Variants in PTPRG observed in about 807,000 individuals in gnomAD.
PTPRG encodes the protein receptor-type tyrosine-protein phosphatase gamma.
PTPRG carries 102 observed loss-of-function variants against 165.3 expected under a neutral mutation model. The ratio of observed to expected loss-of-function variants is 0.62; its 90% CI spans 0.53 to 0.73. The LOEUF (loss-of-function observed/expected upper bound fraction) is 0.73, where lower values mean the gene tolerates loss of function less well. Among genes scored for constraint, PTPRG ranks in the 30% least tolerant of loss-of-function variants. The probability of loss-of-function intolerance (pLI) is 0.00; values close to 1 mark genes in which losing one functional copy is unlikely to be tolerated. For missense variants in PTPRG, 1,866 were observed against 1,861.4 expected (o/e 1.00, Z -0.05); for synonymous variants, 675 against 669.5 (o/e 1.01, Z -0.13).
intron 2 of PTPRG, among the ~76,000 whole-genome samples, chr3:61,856,928 T>C (rs1341613598): frequency 1.3e-5 from 2 of 152,230 alleles, no homozygotes; most frequent in African/African-American, 2.4e-5. Context: ...ATATGATGTC[T>C]TGACTGCTGT....
At chr3:62,020,349 C>G (rs897827069) in intron 4 of PTPRG, among the ~76,000 whole-genome samples, 4 of 152,138 alleles carry the variant, frequency 2.6e-5, no homozygotes, top group African/African-American at 9.7e-5. Context: ...CAATGAGTCT[C>G]ATTTAATGTC....
In PTPRG at chr3:61,562,201, C is replaced by A; in HGVS notation, c.-87C>A. The A allele has an allele frequency of 7.8e-7, 1 of 1,289,308 alleles. No homozygotes were observed. The highest frequency in any genetic ancestry group is 1.5e-5 in the African/African-American group (1 of 68,278). 79.9% of individuals were successfully genotyped at this position (1,289,308 alleles called of 1,614,324 possible). A position where few individuals can be genotyped will look rare whatever the true frequency, so the allele number is the denominator to read the frequency against. On this transcript the variant is annotated 5_prime_UTR_variant, in exon 1 of 30. Transcript: ENST00000474889. ...GAGCGGGCGAGCCGGGGAAGCGCCC[C>A]GGCTTAGCGGAGGCTCGCACGGAGG...
intron 13 of PTPRG, among the ~76,000 whole-genome samples, chr3:62,221,715 C>T (rs554842021): frequency 1.3e-5 from 2 of 152,322 alleles, no homozygotes; most frequent in East Asian, 3.9e-4. Flanking sequence ...GCAGGCCTGG[C>T]ACCGGGGGGT....
At chr3:61,617,912 A>C (rs1448188590) in intron 1 of PTPRG, among the ~76,000 whole-genome samples, 1 of 152,240 alleles carries the variant, frequency 6.6e-6, no homozygotes, top group Non-Finnish European at 1.5e-5. Context: ...ATCTGCATTA[A>C]TGTCCTGTAG....
chr3:61,656,307 G>A (rs1702508522), intron 1 of PTPRG, among the ~76,000 whole-genome samples: 1 of 152,176 alleles, frequency 6.6e-6, no homozygotes, highest in Admixed American at 6.5e-5. Flanking sequence ...CTCATTTGAT[G>A]CAGAAGGTGA....
intron 3 of PTPRG, among the ~76,000 whole-genome samples, chr3:61,992,273 G>A (rs1451853247): frequency 1.3e-5 from 2 of 151,556 alleles, no homozygotes; most frequent in Non-Finnish European, 2.9e-5. Context: ...TCTCTTGAAA[G>A]AGTTTTAACT....
intron 26 of PTPRG, among the ~76,000 whole-genome samples, chr3:62,280,055 G>A (rs1702375334): frequency 6.6e-6 from 1 of 151,998 alleles, no homozygotes; most frequent in African/African-American, 2.4e-5. Context: ...CAAGGACCAA[G>A]CCTGCATATC....
At position 62,293,147 on chromosome 3, in the gene PTPRG, C is replaced by T. The variant is rs1702960111; in HGVS notation, c.4192-14C>T. ...CTGTTCTTTGGCTCAAACTGTCTTC[C>T]TCTTGTTTTTCAGGAACAATACCAG... On this transcript the variant is annotated splice_polypyrimidine_tract_variant and intron_variant, in intron 29 of 29. Coordinates refer to ENST00000474889, the MANE Select transcript of PTPRG (RefSeq NM_002841.4). The T allele has an allele frequency of 7.7e-6, 12 of 1,553,832 alleles. No homozygotes were observed. Among genetic ancestry groups the T allele is most frequent in the South Asian group, 1.3e-5 (1 of 79,764 alleles).
At chr3:61,639,272 G>A (rs1288126791) in intron 1 of PTPRG, among the ~76,000 whole-genome samples, 4 of 151,966 alleles carry the variant, frequency 2.6e-5, no homozygotes, top group Non-Finnish European at 4.4e-5. Context: ...TGTATGTGTT[G>A]GTTTTTGTAA....
chr3:62,034,958 T>C (rs1477718046), intron 4 of PTPRG, among the ~76,000 whole-genome samples: 2 of 152,172 alleles, frequency 1.3e-5, no homozygotes, highest in African/African-American at 4.8e-5. Context: ...GGAGGAGGAC[T>C]GCACCGTATT....
chr3:61,693,338 T>C (rs78843868), intron 1 of PTPRG, among the ~76,000 whole-genome samples: 2,730 of 152,354 alleles, frequency 0.018, 35 homozygotes, highest in South Asian at 0.05. Flanking sequence ...CTTCTACTTA[T>C]TACCCATGAG....
chr3:61,785,861 A>G (rs558510722), intron 2 of PTPRG, among the ~76,000 whole-genome samples: 1 of 152,254 alleles, frequency 6.6e-6, no homozygotes, highest in South Asian at 2.1e-4. Context: ...CATGCCTCCA[A>G]TACACAGACA....
chr3:61,896,769 A>G (rs934125982), intron 2 of PTPRG, among the ~76,000 whole-genome samples: 7 of 152,164 alleles, frequency 4.6e-5, no homozygotes, highest in African/African-American at 1.7e-4. Context: ...TGGATCACCA[A>G]TGTAGTGATA....
intron 2 of PTPRG, among the ~76,000 whole-genome samples, chr3:61,801,040 G>A (rs906142190): frequency 6.6e-6 from 1 of 152,150 alleles, no homozygotes; most frequent in African/African-American, 2.4e-5. Context: ...CCCCTGCCCT[G>A]GCACCGCCTG....
chr3:61,685,636 C>CT (rs1703600826), intron 1 of PTPRG, among the ~76,000 whole-genome samples: 1 of 152,198 alleles, frequency 6.6e-6, no homozygotes, highest in African/African-American at 2.4e-5. Flanking sequence ...TTCTTTGCAG[C>CT]TGAGTAGCAA....
intron 2 of PTPRG, among the ~76,000 whole-genome samples, chr3:61,915,189 A>G (rs1366465736): frequency 6.6e-6 from 1 of 152,256 alleles, no homozygotes; most frequent in Admixed American, 6.5e-5. Context: ...AGATCAAGCC[A>G]CTGCACTCCA....
At chr3:61,572,188 A>G (rs1700072848) in intron 1 of PTPRG, among the ~76,000 whole-genome samples, 1 of 152,210 alleles carries the variant, frequency 6.6e-6, no homozygotes, top group Non-Finnish European at 1.5e-5. Context: ...AGGGAGTAGC[A>G]GACAAGGTGG....
At chr3:61,818,637 C>G (rs549179042) in intron 2 of PTPRG, among the ~76,000 whole-genome samples, 2 of 151,690 alleles carry the variant, frequency 1.3e-5, no homozygotes, top group South Asian at 4.2e-4. Context: ...GTACTCCAGC[C>G]TAGACAATAG....
chr3:62,271,765 GATCA>G lies in PTPRG; in HGVS notation c.3182+214_3182+217del, dbSNP rs1349667396. 3.3e-5 allele frequency among the ~76,000 whole-genome samples: 5 copies of G among 152,034 alleles called. No individual in the cohort carries two copies. The highest frequency in any genetic ancestry group is 4.8e-5 in the African/African-American group (2 of 41,390). On this transcript the variant is annotated intron_variant, in intron 21 of 29. Transcript: ENST00000474889. This position sits in a 1 kb window ranked among gnomAD's most constrained non-coding sequence, Gnocchi z 4.1. ...TGCTTCTGTGATTTTTAAAAAACTA[GATCA>G]ATCCCTAGTTTTTATAAAATCTTCT...
Sources: allele counts gnomAD v4.1 joint callset (sites outside exome capture counted in the v4.1 genomes callset), GRCh38; gene constraint gnomAD v4.1.1; non-coding constraint Gnocchi (gnomAD v3.1); transcripts MANE v1.5; gene names NCBI Gene and HGNC (gene_info 2026-07-23, HGNC 2026-07-21).